Variants in KLRG1 observed in about 807,000 individuals in gnomAD.
KLRG1 encodes killer cell lectin like receptor G1, also known as killer cell lectin-like receptor subfamily G member 1.
KLRG1 carries 16 observed loss-of-function variants against 21.8 expected under a neutral mutation model. The observed-to-expected ratio is 0.73, with a 90% CI of 0.50 to 1.11. The LOEUF is 1.11. Ranked by LOEUF, KLRG1 falls within the 50% of genes most tolerant of loss-of-function variation. KLRG1 has a pLI of 0.00. For synonymous variants in KLRG1, 69 were observed against 75.9 expected, an observed-to-expected ratio of 0.91 and a Z score of 0.47; for missense variants, 173 against 218.3, an observed-to-expected ratio of 0.79 and a Z score of 1.31.
the KLRG1 span, among the ~76,000 whole-genome samples, chr12:9,040,941 C>T: frequency 6.6e-6 from 1 of 152,222 alleles, no homozygotes; most frequent in Non-Finnish European, 1.5e-5. Context: ...GCAAGTGAAT[C>T]ACGACCACTG....
the KLRG1 span, chr12:9,192,171 A>T: frequency 6.2e-7 from 1 of 1,601,600 alleles, no homozygotes. Context: ...GAGCAAGGAG[A>T]GATGAATCTG....
At chr12:8,956,310 G>A (rs1946291995) in intron 1 of KLRG1, among the ~76,000 whole-genome samples, 1 of 152,140 alleles carries the variant, frequency 6.6e-6, no homozygotes. Flanking sequence ...GTTGGGACAT[G>A]CCCCCGTTCG....
At chr12:9,198,150 A>C in the KLRG1 span, among the ~76,000 whole-genome samples, 1 of 151,142 alleles carries the variant, frequency 6.6e-6, no homozygotes, top group Non-Finnish European at 1.5e-5. Flanking sequence ...AAAGTTCCCA[A>C]CTAGCATGGG....
At chr12:9,200,724 A>T in the KLRG1 span, among the ~76,000 whole-genome samples, 1 of 152,240 alleles carries the variant, frequency 6.6e-6, no homozygotes, top group Admixed American at 6.5e-5. Flanking sequence ...ACTGAAAATC[A>T]GCAAGCTCTT....
At chr12:8,975,346 A>G (rs1946640514) in intron 1 of KLRG1, among the ~76,000 whole-genome samples, 1 of 152,036 alleles carries the variant, frequency 6.6e-6, no homozygotes, top group Non-Finnish European at 1.5e-5. Flanking sequence ...CTCATTTATT[A>G]TTGATATTTT....
At chr12:9,112,668 T>C in the KLRG1 span, 9 of 959,982 alleles carry the variant, frequency 9.4e-6, no homozygotes, top group East Asian at 2.6e-5. Flanking sequence ...GCAGGGAAAG[T>C]TGGCATGGAC....
the KLRG1 span, among the ~76,000 whole-genome samples, chr12:9,143,790 GT>G: frequency 3.9e-5 from 6 of 152,198 alleles, no homozygotes; most frequent in Non-Finnish European, 5.9e-5. Context: ...CATAAGCCAA[GT>G]TTGGCAAGGC....
the KLRG1 span, among the ~76,000 whole-genome samples, chr12:9,200,026 C>T: frequency 1.0e-3 from 157 of 152,172 alleles, 1 homozygote; most frequent in Non-Finnish European, 5.1e-4. Flanking sequence ...GTTAAGTGAT[C>T]GTGTTGTCGC....
chr12:9,007,623 G>A (rs1489965065), intron 3 of KLRG1, among the ~76,000 whole-genome samples: 4 of 152,102 alleles, frequency 2.6e-5, no homozygotes, highest in Non-Finnish European at 5.9e-5. Flanking sequence ...CAGGGTCCAA[G>A]TAGGCAAAGA....
At chr12:9,087,954 G>GA in the KLRG1 span, among the ~76,000 whole-genome samples, 84 of 152,078 alleles carry the variant, frequency 5.5e-4, 1 homozygote, top group African/African-American at 1.8e-3. Flanking sequence ...GTGAATAGTT[G>GA]AAAAAACCAA....
chr12:9,122,907 AG>A, the KLRG1 span, among the ~76,000 whole-genome samples: 2 of 140,230 alleles, frequency 1.4e-5, no homozygotes, highest in South Asian at 4.6e-4. Flanking sequence ...ATGGTATTTA[AG>A]ATGTAAGTAT....
At chr12:9,098,690 C>T in the KLRG1 span, 1 of 1,612,120 alleles carries the variant, frequency 6.2e-7, no homozygotes, top group Non-Finnish European at 8.5e-7. Context: ...GACTGAGGAG[C>T]CGCTGTGACT....
the KLRG1 span, among the ~76,000 whole-genome samples, chr12:9,162,032 G>A: frequency 2.0e-3 from 300 of 152,160 alleles, 2 homozygotes; most frequent in Non-Finnish European, 3.4e-3. Context: ...TGTGATTTCG[G>A]CTCACTGCAA....
At chr12:9,106,139 ATAACAT>A in the KLRG1 span, 1 of 678,486 alleles carries the variant, frequency 1.5e-6, no homozygotes, top group East Asian at 2.6e-5. Context: ...ATATTAAATG[ATAACAT>A]TAACCAGGCA....
the KLRG1 span, among the ~76,000 whole-genome samples, chr12:9,207,870 T>G: frequency 2.2e-4 from 34 of 152,144 alleles, no homozygotes; most frequent in Non-Finnish European, 4.0e-4. Context: ...GATACATGAT[T>G]GAAAAATAAA....
At chr12:8,984,952 C>A (rs1946818785), upstream of KLRG1, among the ~76,000 whole-genome samples, 2 of 152,158 alleles carry the variant, frequency 1.3e-5, no homozygotes, top group Admixed American at 1.3e-4. Context: ...TAGCACAGAA[C>A]ATTTCTTTAT....
the KLRG1 span, among the ~76,000 whole-genome samples, chr12:9,097,713 A>G: frequency 2.7e-5 from 4 of 149,740 alleles, no homozygotes; most frequent in Admixed American, 6.7e-5. Flanking sequence ...GGCTCACTCA[A>G]CCTCTGCCTC....
chr12:9,057,422 T>C, the KLRG1 span, among the ~76,000 whole-genome samples: 2 of 152,162 alleles, frequency 1.3e-5, no homozygotes, highest in African/African-American at 2.4e-5. Flanking sequence ...TGTACTCTAA[T>C]TGGGTGATGG....
the KLRG1 span, among the ~76,000 whole-genome samples, chr12:9,146,477 A>T: frequency 6.6e-6 from 1 of 152,184 alleles, no homozygotes; most frequent in Non-Finnish European, 1.5e-5. Context: ...TCCATAAAGT[A>T]AATCACATAA....
Sources: allele counts gnomAD v4.1 joint callset (sites outside exome capture counted in the v4.1 genomes callset), GRCh38; gene constraint gnomAD v4.1.1; transcripts MANE v1.5; gene names NCBI Gene and HGNC (gene_info 2026-07-23, HGNC 2026-07-21).